Variants in SKP1 observed in about 807,000 individuals in gnomAD.
SKP1 encodes S-phase kinase associated protein 1, also known as S-phase kinase-associated protein 1.
SKP1 carries 1 observed loss-of-function variant against 21.5 expected under a neutral mutation model. That is an observed-to-expected ratio of 0.05 (90% CI 0.02 to 0.22). The LOEUF is 0.22. Ranked by LOEUF, SKP1 falls within the 10% of genes least tolerant of loss-of-function variation. The pLI is 1.00. For synonymous variants in SKP1, 59 were observed against 59.3 expected (o/e 0.99, Z 0.03); for missense variants, 70 against 192.0 (o/e 0.36, Z 3.76).
At chr5:134,164,690 T>C (rs1226322189) in intron 3 of SKP1, among the ~76,000 whole-genome samples, 1 of 152,208 alleles carries the variant, frequency 6.6e-6, no homozygotes, top group East Asian at 1.9e-4. Context: ...TCATAAAGAA[T>C]GAGATCTAAC....
chr5:134,159,757 C>T (rs1161902988), intron 4 of SKP1, among the ~76,000 whole-genome samples: 1 of 152,092 alleles, frequency 6.6e-6, no homozygotes, highest in African/African-American at 2.4e-5. Flanking sequence ...CCATGTTAGC[C>T]AGGATGGTCT....
At chr5:134,165,052 G>A (rs1357207496) in intron 3 of SKP1, among the ~76,000 whole-genome samples, 1 of 125,312 alleles carries the variant, frequency 8.0e-6, no homozygotes, top group Non-Finnish European at 1.6e-5. Flanking sequence ...GGGGGAGGGT[G>A]TACCAATTTT....
intron 2 of SKP1, among the ~76,000 whole-genome samples, chr5:134,173,103 T>C (rs1580623571): frequency 6.7e-6 from 1 of 149,442 alleles, no homozygotes; most frequent in Non-Finnish European, 1.5e-5. Flanking sequence ...GAGGTCGAGG[T>C]GGGCGGATCA....
rs1761007308 is a variant in SKP1 at position 134,149,518 on chromosome 5, T to C, written c.*8215A>G. 6.6e-6 allele frequency: 1 copy of C among 152,256 alleles called. No individual in the cohort carries two copies. Among genetic ancestry groups the C allele is most frequent in the Non-Finnish European group, 1.5e-5 (1 of 68,044 alleles). 9.4% of individuals were successfully genotyped at this position (152,256 alleles called of 1,614,324 possible). A position where few individuals can be genotyped will look rare whatever the true frequency, so the allele number is the denominator to read the frequency against. Reference sequence around the variant, plus strand: ...TGTCACTCCACTGAGTTCTATTTTTTGGATTTTGTGTTTAAAGTATAAAGT... The same window carrying C: ...TGTCACTCCACTGAGTTCTATTTTTCGGATTTTGTGTTTAAAGTATAAAGT... On this transcript the variant is annotated 3_prime_UTR_variant, in exon 6 of 6. Coordinates refer to ENST00000353411, the MANE Select transcript of SKP1 (RefSeq NM_170679.3).
At position 134,174,002 on chromosome 5, in the gene SKP1, C is replaced by A. The variant is rs763981517; in HGVS notation, c.21G>T (p.Gln7His). MPSIKL[Q>H]SSDGEIFEVD... ...CTTCAAATATCTCTCCATCAGAACTCTGCAACTTAATTGAAGGCATCTAAA... is the reference window on the plus strand; with the variant it reads ...CTTCAAATATCTCTCCATCAGAACTATGCAACTTAATTGAAGGCATCTAAA... The change falls in exon 2 of 6, where the codon CAG becomes CAT. Residue 7 changes from glutamine to histidine, a missense_variant. Around this residue, in one of 4 missense-constraint regions of SKP1, gnomAD observed 21 missense variants for 23.4 expected, o/e 0.90. Coordinates refer to ENST00000353411, the MANE Select transcript of SKP1 (RefSeq NM_170679.3). 6.2e-7 allele frequency: 1 copy of A among 1,606,080 alleles called. No individual in the cohort carries two copies. The highest frequency in any genetic ancestry group is 8.5e-7 in the Non-Finnish European group (1 of 1,173,082).
At chr5:134,158,145 C>T (rs1580924237) in intron 5 of SKP1, 25 of 1,374,044 alleles carry the variant, frequency 1.8e-5, no homozygotes, top group Non-Finnish European at 2.2e-5. Flanking sequence ...TCTCTAGGGC[C>T]TGCTTTTCTG....
chr5:134,150,982 G>A lies in SKP1; in HGVS notation c.*6751C>T, dbSNP rs975690049. On this transcript the variant is annotated 3_prime_UTR_variant, in exon 6 of 6. Coordinates refer to ENST00000353411, the MANE Select transcript of SKP1 (RefSeq NM_170679.3). ...TTTTCAAGCTCTTAAAGATAGCATG[G>A]GATTAGGCATGTTAACTGGAAAGGG... 2 of 152,252 alleles carry A rather than the reference G, an allele frequency of 1.3e-5. No homozygotes were observed. The highest frequency in any genetic ancestry group is 4.8e-5 in the African/African-American group (2 of 41,438). The allele number at this position is 152,252 out of a possible 1,614,324, so 9.4% of individuals were successfully genotyped here. A position where few individuals can be genotyped will look rare whatever the true frequency, so the allele number is the denominator to read the frequency against.
intron 3 of SKP1, among the ~76,000 whole-genome samples, chr5:134,162,920 GATA>G (rs954510668): frequency 5.9e-5 from 9 of 151,632 alleles, no homozygotes; most frequent in African/African-American, 2.2e-4. Context: ...AAAAAATGAT[GATA>G]ATAATAATAG....
At chr5:134,167,513 G>C (rs944281684) in intron 2 of SKP1, among the ~76,000 whole-genome samples, 1 of 151,672 alleles carries the variant, frequency 6.6e-6, no homozygotes, top group Non-Finnish European at 1.5e-5. Flanking sequence ...GGCATTGTAA[G>C]TAATCTAGAG....
chr5:134,159,836 C>T (rs974565531), intron 4 of SKP1, among the ~76,000 whole-genome samples: 14 of 151,788 alleles, frequency 9.2e-5, no homozygotes, highest in Non-Finnish European at 2.1e-4. Flanking sequence ...CGTGAGCCAC[C>T]GCGCCCGGCC....
rs1187538259 is a variant in SKP1, at chr5:134,149,207, T to C, written c.*8526A>G. ...AGTAGTGTACATTGTACTCAACAGG[T>C]AGGATTTCATACCTCATCCCCCTTT... On this transcript the variant is annotated 3_prime_UTR_variant, in exon 6 of 6. Transcript: ENST00000353411. 6.6e-6 allele frequency: 1 copy of C among 152,186 alleles called. No individual in the cohort carries two copies. The highest frequency in any genetic ancestry group is 1.5e-5 in the Non-Finnish European group (1 of 68,044). 9.4% of individuals were successfully genotyped at this position (152,186 alleles called of 1,614,324 possible). A position where few individuals can be genotyped will look rare whatever the true frequency, so the allele number is the denominator to read the frequency against.
At chr5:134,166,259 A>AC (rs1343030604) in intron 3 of SKP1, among the ~76,000 whole-genome samples, 6 of 150,820 alleles carry the variant, frequency 4.0e-5, no homozygotes, top group African/African-American at 1.5e-4. Context: ...AAAAAAAAAA[A>AC]CATAGAAATG....
chr5:134,174,679 C>CATA (rs1207188966), intron 1 of SKP1: 1 of 153,010 alleles, frequency 6.5e-6, no homozygotes, highest in Non-Finnish European at 1.4e-5. Flanking sequence ...GCAAGATCTC[C>CATA]ATAATAATAA....
chr5:134,159,615 T>C (rs1761183079), intron 4 of SKP1, among the ~76,000 whole-genome samples: 1 of 151,734 alleles, frequency 6.6e-6, no homozygotes, highest in Non-Finnish European at 1.5e-5. Context: ...TGGTGCGATA[T>C]CGGCTCACTG....
At chr5:134,163,354 C>A (rs551111349) in intron 3 of SKP1, among the ~76,000 whole-genome samples, 1 of 151,566 alleles carries the variant, frequency 6.6e-6, no homozygotes, top group Non-Finnish European at 1.5e-5. Flanking sequence ...CAAAAAAATG[C>A]CACATTACTT....
chr5:134,174,664 T>A (rs1761504272), intron 1 of SKP1: 1 of 156,518 alleles, frequency 6.4e-6, no homozygotes, highest in Non-Finnish European at 1.4e-5. Flanking sequence ...CTTTGAGATC[T>A]CTTGGCAAGA....
chr5:134,168,315 C>T (rs995965796), intron 2 of SKP1, among the ~76,000 whole-genome samples: 96 of 152,096 alleles, frequency 6.3e-4, no homozygotes, highest in African/African-American at 2.2e-3. Context: ...TCAATCTATT[C>T]AAATCTGAAA....
intron 3 of SKP1, among the ~76,000 whole-genome samples, chr5:134,164,662 G>A (rs938107238): frequency 3.9e-5 from 6 of 152,216 alleles, no homozygotes; most frequent in South Asian, 2.1e-4. Context: ...TACGTTAATT[G>A]CAAGACATAT....
intron 2 of SKP1, chr5:134,173,725 G>C (rs1044591130): frequency 1.5e-6 from 1 of 669,148 alleles, no homozygotes; most frequent in African/African-American, 1.8e-5. Flanking sequence ...CATTTAATGA[G>C]AGAACGACCC....
Sources: gnomAD v4.1 joint callset for allele counts (sites outside exome capture counted in the v4.1 genomes callset) on GRCh38, gnomAD v4.1.1 for gene constraint, gnomAD v4.1.1 regional missense constraint, MANE v1.5 for transcripts, NCBI Gene and HGNC (gene_info 2026-07-23, HGNC 2026-07-21) for gene names.